The following WWOX variants were observed in gnomAD, a reference collection of about 807,000 sequenced individuals.
WWOX encodes the protein WW domain-containing oxidoreductase.
A neutral mutation model predicts 46.2 loss-of-function variants in WWOX; 69 were observed. The ratio of observed to expected loss-of-function variants is 1.49; its 90% CI spans 1.23 to 1.82. The LOEUF is 1.82. WWOX is among the 40% of genes most tolerant of loss of function. The pLI is 0.00. For missense variants in WWOX, 919 were observed against 542.6 expected, an observed-to-expected ratio of 1.69 and a Z score of -6.89; for synonymous variants, 359 against 202.6, an observed-to-expected ratio of 1.77 and a Z score of -6.56.
intron 5 of WWOX, among the ~76,000 whole-genome samples, chr16:78,262,139 A>T (rs2151838178): frequency 6.6e-6 from 1 of 151,120 alleles, no homozygotes; most frequent in East Asian, 1.9e-4. Flanking sequence ...AGGGAAATAT[A>T]CATCCTCCTA....
At chr16:79,042,521 A>T (rs955537259) in intron 8 of WWOX, among the ~76,000 whole-genome samples, 3 of 151,692 alleles carry the variant, frequency 2.0e-5, no homozygotes, top group Non-Finnish European at 4.4e-5. Context: ...TAATGTCTCA[A>T]ATTACTTACT....
chr16:78,802,330 A>C (rs796824941), intron 8 of WWOX, among the ~76,000 whole-genome samples: 11 of 151,544 alleles, frequency 7.3e-5, no homozygotes, highest in African/African-American at 2.7e-4. Context: ...CACAGAAAGG[A>C]ACATAAATTG....
At chr16:79,152,617 G>A (rs2050302813) in intron 8 of WWOX, among the ~76,000 whole-genome samples, 1 of 151,440 alleles carries the variant, frequency 6.6e-6, no homozygotes, top group African/African-American at 2.4e-5. Flanking sequence ...GTTGCAGTGA[G>A]CCGAGATCAC....
At chr16:79,133,603 A>G (rs1419778560) in intron 8 of WWOX, among the ~76,000 whole-genome samples, 2 of 152,090 alleles carry the variant, frequency 1.3e-5, no homozygotes, top group Non-Finnish European at 2.9e-5. Context: ...GTCTTTTTGA[A>G]GATGTAGAAT....
intron 8 of WWOX, among the ~76,000 whole-genome samples, chr16:78,745,742 C>T (rs1436634864): frequency 1.3e-5 from 2 of 151,538 alleles, no homozygotes; most frequent in Admixed American, 6.6e-5. Context: ...TCCTCCTTCT[C>T]CTCCTCCCTC....
chr16:79,177,384 C>CCTCT (rs397727462), intron 8 of WWOX, among the ~76,000 whole-genome samples: 3 of 152,036 alleles, frequency 2.0e-5, no homozygotes, highest in East Asian at 1.9e-4. Context: ...ACTCTCCCTC[C>CCTCT]GTGGCTGGGT....
chr16:78,622,309 G>A (rs1488805037), intron 8 of WWOX, among the ~76,000 whole-genome samples: 1 of 151,898 alleles, frequency 6.6e-6, no homozygotes, highest in Non-Finnish European at 1.5e-5. Flanking sequence ...TTGGGACGCC[G>A]AGGCAGGCAG....
At chr16:78,331,743 T>G (rs2080763134) in intron 5 of WWOX, among the ~76,000 whole-genome samples, 1 of 152,144 alleles carries the variant, frequency 6.6e-6, no homozygotes, top group African/African-American at 2.4e-5. Context: ...GTGTAGACAT[T>G]GGTTTGTCCA....
intron 8 of WWOX, among the ~76,000 whole-genome samples, chr16:79,168,545 C>T (rs1181778326): frequency 3.3e-5 from 5 of 152,192 alleles, no homozygotes; most frequent in Admixed American, 2.0e-4. Flanking sequence ...TCCCTGCCCA[C>T]ACCTCTGAAG....
intron 8 of WWOX, among the ~76,000 whole-genome samples, chr16:78,720,205 T>G (rs922641839): frequency 3.3e-5 from 5 of 152,184 alleles, no homozygotes; most frequent in Non-Finnish European, 5.9e-5. Context: ...ACCCTACCAG[T>G]AAGACTTAAG....
In WWOX at chr16:78,389,303, TCA is replaced by T. The variant is rs780787953; in HGVS notation, c.605+2362_605+2363del. Reference sequence around the variant, plus strand: ...TCATTTATCCACCCGTTCCTTCACTTCACACACATTTCAGGAGCACCTCTAAA... The same window carrying T: ...TCATTTATCCACCCGTTCCTTCACTTCACACATTTCAGGAGCACCTCTAAA... On this transcript the variant is annotated intron_variant, in intron 6 of 8. Transcript: ENST00000566780. Among the ~76,000 whole-genome samples the T allele has an allele frequency of 5.9e-5, 9 of 152,320 alleles. No homozygotes were observed. The East Asian group carries it at 7.7e-4, about 13-fold the overall frequency.
At position 78,252,762 on chromosome 16, in the gene WWOX, T is replaced by C. The variant is rs143733044; in HGVS notation, c.516+88473T>C. Among the ~76,000 whole-genome samples the C allele has an allele frequency of 2.5e-3, 381 of 152,336 alleles. 1 individual carries two copies. Among genetic ancestry groups the C allele is most frequent in the Non-Finnish European group, 3.2e-3 (215 of 68,032 alleles). The stretch of plus-strand genomic sequence containing the variant: ...ATTTACAGTGACAAGCTTTGTATTA[T>C]TTATAGGATTATAGCAAATCATCAA... On this transcript the variant is annotated intron_variant, in intron 5 of 8. Transcript: ENST00000566780.
At chr16:78,998,883 G>T (rs938093432) in intron 8 of WWOX, among the ~76,000 whole-genome samples, 1 of 152,164 alleles carries the variant, frequency 6.6e-6, no homozygotes, top group African/African-American at 2.4e-5. Context: ...GCCTGGCAGG[G>T]GCGGTGTCCG....
At chr16:79,161,525 A>G (rs1290173249) in intron 8 of WWOX, among the ~76,000 whole-genome samples, 1 of 152,052 alleles carries the variant, frequency 6.6e-6, no homozygotes, top group Non-Finnish European at 1.5e-5. Context: ...TTCACTTTTT[A>G]TTTTTTATTG....
chr16:78,627,602 G>A (rs2151653797), intron 8 of WWOX, among the ~76,000 whole-genome samples: 1 of 152,264 alleles, frequency 6.6e-6, no homozygotes, highest in Admixed American at 6.5e-5. Flanking sequence ...GAATAAAGAG[G>A]AAAAACTGGA....
chr16:78,841,450 A>G (rs980631820), intron 8 of WWOX, among the ~76,000 whole-genome samples: 3 of 152,164 alleles, frequency 2.0e-5, no homozygotes, highest in South Asian at 4.1e-4. Flanking sequence ...GTAGCTTGAA[A>G]CTGACCGTGG....
chr16:78,629,028 A>G (rs978626521), intron 8 of WWOX, among the ~76,000 whole-genome samples: 8 of 152,176 alleles, frequency 5.3e-5, no homozygotes, highest in Non-Finnish European at 8.8e-5. Flanking sequence ...CAAAAACTGG[A>G]TTTTTAACCC....
intron 8 of WWOX, among the ~76,000 whole-genome samples, chr16:79,181,182 A>C (rs961810308): frequency 6.6e-6 from 1 of 152,226 alleles, no homozygotes; most frequent in Non-Finnish European, 1.5e-5. Context: ...AGTGGAATGT[A>C]TGTGACTTAA....
rs2044477188 is a variant in WWOX, at chr16:78,887,082, GTGTGTGTGT to G, written c.1057-324525_1057-324517del. ...GGCTATATGTGTGTGTGTGTGGTGT[GTGTGTGTGT>G]GTGTGTGTGTGTGTGTGTGTGTGTG... On this transcript the variant is annotated intron_variant, in intron 8 of 8. Coordinates refer to ENST00000566780, the MANE Select transcript of WWOX (RefSeq NM_016373.4). Among the ~76,000 whole-genome samples, 74 of 12,892 alleles carry G rather than the reference GTGTGTGTGT, an allele frequency of 5.7e-3. 1 individual carries two copies. The highest frequency in any genetic ancestry group is 0.12 in the Middle Eastern group (1 of 8). The allele number at this position is 12,892 out of a possible 152,430, so 8.5% of individuals were successfully genotyped here.
Sources: allele counts gnomAD v4.1 joint callset (sites outside exome capture counted in the v4.1 genomes callset), GRCh38; gene constraint gnomAD v4.1.1; transcripts MANE v1.5; gene names NCBI Gene and HGNC (gene_info 2026-07-23, HGNC 2026-07-21).